Variants in KAT6B observed in about 807,000 individuals in gnomAD.
KAT6B encodes histone acetyltransferase KAT6B.
Under a neutral mutation model 187.5 loss-of-function variants are expected in KAT6B, and 10 were observed. The ratio of observed to expected loss-of-function variants is 0.05; its 90% CI spans 0.03 to 0.09. The LOEUF (loss-of-function observed/expected upper bound fraction) is 0.09, where lower values mean the gene tolerates loss of function less well. Among genes scored for constraint, KAT6B ranks in the 10% least tolerant of loss-of-function variants. The pLI is 1.00. For synonymous variants in KAT6B, 861 were observed against 926.8 expected (o/e 0.93, Z 1.29); for missense variants, 1,952 against 2,558.9 (o/e 0.76, Z 5.12).
chr10:75,007,120 G>A (rs988368884), intron 13 of KAT6B, among the ~76,000 whole-genome samples: 9 of 151,268 alleles, frequency 5.9e-5, no homozygotes, highest in African/African-American at 2.2e-4. Flanking sequence ...TAACCATTTT[G>A]TAATCCCCAC....
At chr10:74,830,213 A>G (rs993949849) in intron 1 of KAT6B, among the ~76,000 whole-genome samples, 1 of 151,978 alleles carries the variant, frequency 6.6e-6, no homozygotes, top group African/African-American at 2.4e-5. Flanking sequence ...AACTCCCATG[A>G]TCTTCTGATA....
At position 75,021,221 on chromosome 10, in the gene KAT6B, G is replaced by T; in HGVS notation, c.2957G>T (p.Arg986Met). Residue 986 changes from arginine to methionine, a missense_variant, in exon 15 of 18, where the codon AGG becomes ATG. This residue lies in a region of KAT6B where 758 missense variants were observed against 891.4 expected (regional missense o/e 0.85). Transcript: ENST00000287239. ...RANELDPDSL[R>M]WTPILISNAA... ...AATGAACTTGATCCAGACAGTCTGAGGTGGACCCCAATTTTAATTTCTAAT... is the reference window on the plus strand; with the variant it reads ...AATGAACTTGATCCAGACAGTCTGATGTGGACCCCAATTTTAATTTCTAAT... 1 of 1,614,164 alleles carries T rather than the reference G, an allele frequency of 6.2e-7. No individual in the cohort carries two copies. Among genetic ancestry groups the T allele is most frequent in the Non-Finnish European group, 8.5e-7 (1 of 1,180,008 alleles).
At chr10:74,919,609 G>T (rs934971935) in intron 3 of KAT6B, among the ~76,000 whole-genome samples, 1 of 151,970 alleles carries the variant, frequency 6.6e-6, no homozygotes, top group Admixed American at 6.6e-5. Flanking sequence ...CATCATGTTG[G>T]CCAGGCTGGT....
chr10:74,903,088 G>A (rs919121889), intron 3 of KAT6B, among the ~76,000 whole-genome samples: 1 of 152,182 alleles, frequency 6.6e-6, no homozygotes, highest in African/African-American at 2.4e-5. Flanking sequence ...TAAACGAACA[G>A]GGATTTTGGC....
At chr10:74,952,581 G>A (rs895475339) in intron 3 of KAT6B, among the ~76,000 whole-genome samples, 4 of 152,110 alleles carry the variant, frequency 2.6e-5, no homozygotes, top group Admixed American at 2.0e-4. Flanking sequence ...CATGGCATTC[G>A]TATTTGGGAC....
chr10:74,869,389 C>T (rs971068117), intron 3 of KAT6B, among the ~76,000 whole-genome samples: 1 of 152,106 alleles, frequency 6.6e-6, no homozygotes. Context: ...CCTCTGTCTC[C>T]TGAGTTCAGG....
intron 3 of KAT6B, among the ~76,000 whole-genome samples, chr10:74,908,159 T>G (rs1263537102): frequency 3.3e-5 from 5 of 152,194 alleles, no homozygotes; most frequent in African/African-American, 7.2e-5. Context: ...TCTTGCCATG[T>G]GATGCCCTGC....
chr10:74,828,984 G>A (rs1840517050), intron 1 of KAT6B, among the ~76,000 whole-genome samples: 1 of 150,770 alleles, frequency 6.6e-6, no homozygotes, highest in Non-Finnish European at 1.5e-5. Context: ...GAGAGTTAAA[G>A]GTTGGAGTGG....
At position 74,951,384 on chromosome 10, in the gene KAT6B, G is replaced by A. The variant is rs11001218; in HGVS notation, c.622-8586G>A. Among the ~76,000 whole-genome samples the A allele has an allele frequency of 9.6e-3, 1,454 of 151,772 alleles. 14 individuals are homozygous for A. Among genetic ancestry groups the A allele is most frequent in the Non-Finnish European group, 0.017 (1,146 of 67,940 alleles). ...TGGCCTCAAATGATCTGCCTGCCTT[G>A]TCCTCCCAAAGTGCTGGGATTATAG... On this transcript the variant is annotated intron_variant, in intron 3 of 17. Coordinates refer to ENST00000287239, the MANE Select transcript of KAT6B (RefSeq NM_012330.4).
intron 3 of KAT6B, among the ~76,000 whole-genome samples, chr10:74,913,886 T>A (rs1198776690): frequency 6.6e-6 from 1 of 152,208 alleles, no homozygotes; most frequent in Non-Finnish European, 1.5e-5. Flanking sequence ...AAGCCTAGCA[T>A]GAGCCTTAAG....
At chr10:74,843,664 T>A (rs748791211) in intron 3 of KAT6B, among the ~76,000 whole-genome samples, 186 bp downstream of exon 3, 5 of 152,190 alleles carry the variant, frequency 3.3e-5, no homozygotes, top group African/African-American at 4.8e-5. Flanking sequence ...ACTTCCTCAC[T>A]GGTTGGCCAA....
intron 3 of KAT6B, among the ~76,000 whole-genome samples, chr10:74,851,569 G>A (rs12269639): frequency 0.022 from 3,390 of 152,128 alleles, 118 homozygotes; most frequent in African/African-American, 0.077. Context: ...TTGACCTAGT[G>A]ATCCACCTGC....
chr10:75,030,925 C>T lies in KAT6B; in HGVS notation c.6101C>T (p.Ala2034Val). The stretch of plus-strand genomic sequence containing the variant: ...GGCATGATGGGCACCCAGCCATATG[C>T]CCAGCAGCCAATGCAGACCCCACCC... ...QMGMMGTQPY[A>V]QQPMQTPPHG... The change falls in exon 18 of 18, where the codon GCC (alanine) becomes GTC (valine). Residue 2034 changes from alanine (A) to valine (V), a missense_variant. This residue lies in a region of KAT6B where 358 missense variants were observed against 436.3 expected (regional missense o/e 0.82). Coordinates refer to ENST00000287239, the MANE Select transcript of KAT6B (RefSeq NM_012330.4). The surrounding 1 kb of genome is among the most constrained non-coding windows in gnomAD (Gnocchi z 4.8). 1 of 1,613,928 alleles carries T rather than the reference C, an allele frequency of 6.2e-7. No individual in the cohort carries two copies. The highest frequency in any genetic ancestry group is 8.5e-7 in the Non-Finnish European group (1 of 1,179,998).
At chr10:75,008,194 G>C (rs1475302039) in intron 13 of KAT6B, among the ~76,000 whole-genome samples, 1 of 152,202 alleles carries the variant, frequency 6.6e-6, no homozygotes, top group East Asian at 1.9e-4. Context: ...ATTTAACTGT[G>C]AGCCCGAGGA....
At chr10:74,905,182 T>A (rs1312703158) in intron 3 of KAT6B, among the ~76,000 whole-genome samples, 1 of 152,210 alleles carries the variant, frequency 6.6e-6, no homozygotes, top group Non-Finnish European at 1.5e-5. Context: ...AACACAGATG[T>A]CCTTGCCCAT....
At chr10:74,925,324 G>GA (rs1848417604) in intron 3 of KAT6B, among the ~76,000 whole-genome samples, 1 of 152,194 alleles carries the variant, frequency 6.6e-6, no homozygotes, top group Non-Finnish European at 1.5e-5. Flanking sequence ...TTACAGGCGT[G>GA]AGCCACTGAG....
chr10:74,878,579 C>T (rs553920427), intron 3 of KAT6B, among the ~76,000 whole-genome samples: 54 of 147,912 alleles, frequency 3.7e-4, no homozygotes, highest in Non-Finnish European at 6.5e-4. Flanking sequence ...AAGATGGTGC[C>T]GCTGCACTCC....
At chr10:74,879,722 G>A (rs1261286506) in intron 3 of KAT6B, among the ~76,000 whole-genome samples, 1 of 149,164 alleles carries the variant, frequency 6.7e-6, no homozygotes, top group Non-Finnish European at 1.5e-5. Flanking sequence ...TGTCGTTTTT[G>A]TTTTTTCCTT....
At chr10:74,853,620 CTTTTTTTTTT>C (rs542210569) in intron 3 of KAT6B, among the ~76,000 whole-genome samples, 1 of 122,612 alleles carries the variant, frequency 8.2e-6, no homozygotes, top group Non-Finnish European at 1.7e-5. Flanking sequence ...TAAGAAATGC[CTTTTTTTTTT>C]TTTTTTTTTT....
Sources: gnomAD v4.1 joint callset for allele counts (sites outside exome capture counted in the v4.1 genomes callset) on GRCh38, gnomAD v4.1.1 for gene constraint, gnomAD v4.1.1 regional missense constraint, Gnocchi (gnomAD v3.1) non-coding constraint, MANE v1.5 for transcripts, NCBI Gene and HGNC (gene_info 2026-07-23, HGNC 2026-07-21) for gene names.